The following KDM5A variants were observed in gnomAD, a reference collection of about 807,000 sequenced individuals.
KDM5A encodes lysine-specific demethylase 5A.
Under a neutral mutation model 193.5 loss-of-function variants are expected in KDM5A, and 42 were observed. That is an observed-to-expected ratio of 0.22 (90% CI 0.17 to 0.28). KDM5A has a LOEUF of 0.28. KDM5A is among the 10% of genes least tolerant of loss of function. The pLI, the probability that KDM5A is intolerant of heterozygous loss-of-function variation, is 1.00. For missense variants in KDM5A, 1,692 were observed against 2,055.1 expected, an observed-to-expected ratio of 0.82 and a Z score of 3.42; for synonymous variants, 796 against 718.1, an observed-to-expected ratio of 1.11 and a Z score of -1.73.
At chr12:323,474 CT>C in intron 15 of KDM5A, 125 bp downstream of exon 15, 1 of 1,055,926 alleles carries the variant, frequency 9.5e-7, no homozygotes, top group Admixed American at 2.1e-5. Flanking sequence ...GTCTTCAAGC[CT>C]AGAAGTAGAC....
chr12:334,063 A>G (rs893441353), intron 11 of KDM5A, among the ~76,000 whole-genome samples, 178 bp downstream of exon 11: 1 of 152,224 alleles, frequency 6.6e-6, no homozygotes, highest in African/African-American at 2.4e-5. Flanking sequence ...TCTCTAGGAT[A>G]CTTCTAAATA....
intron 1 of KDM5A, 35 bp from the exon 2 acceptor site, chr12:386,009 G>A (rs2137502237): frequency 6.6e-7 from 1 of 1,524,860 alleles, no homozygotes; most frequent in Non-Finnish European, 9.1e-7. Flanking sequence ...AAACACAGTG[G>A]TATGTAAACA....
intron 3 of KDM5A, among the ~76,000 whole-genome samples, chr12:369,189 G>A (rs1944394885): frequency 6.6e-6 from 1 of 152,094 alleles, no homozygotes; most frequent in Admixed American, 6.5e-5. Context: ...TCAATCAGGG[G>A]AAAATCATAC....
rs140093677 is a variant in KDM5A at position 330,381 on chromosome 12, C to T, written c.1774-1352G>A. ...ATCACACCCTTCTTCTAAAGAGTGT[C>T]AAGGGCTTCCACACATATCCTCTAA... is the stretch of plus-strand genomic sequence containing the variant. On this transcript the variant is annotated intron_variant, in intron 13 of 27. Transcript: ENST00000399788. 4.6e-3 allele frequency among the ~76,000 whole-genome samples: 695 copies of T among 152,216 alleles called. 4 individuals are homozygous for T. The highest frequency in any genetic ancestry group is 7.0e-3 in the Non-Finnish European group (478 of 68,002).
At chr12:297,977 A>C (rs1444243085) in intron 24 of KDM5A, among the ~76,000 whole-genome samples, 1 of 152,178 alleles carries the variant, frequency 6.6e-6, no homozygotes, top group Non-Finnish European at 1.5e-5. Flanking sequence ...CTACAAAAAA[A>C]TTACTATTGC....
intron 10 of KDM5A, 53 bp downstream of exon 10, chr12:350,568 A>G (rs1015853185): frequency 2.5e-5 from 39 of 1,581,946 alleles, no homozygotes; most frequent in Non-Finnish European, 3.1e-5. Flanking sequence ...ATAGTTTTCA[A>G]TGCAAAAGCT....
chr12:340,095 C>G (rs1011975119), intron 10 of KDM5A, among the ~76,000 whole-genome samples: 2 of 151,972 alleles, frequency 1.3e-5, no homozygotes, highest in Non-Finnish European at 2.9e-5. Flanking sequence ...CCAGGATATT[C>G]TGGACCTCCT....
chr12:361,050 G>T (rs1944288039), intron 5 of KDM5A, among the ~76,000 whole-genome samples: 1 of 152,132 alleles, frequency 6.6e-6, no homozygotes, highest in Non-Finnish European at 1.5e-5. Context: ...AACTAGGAAT[G>T]AACGACAGAC....
chr12:314,035 G>A (rs981585723), intron 19 of KDM5A, among the ~76,000 whole-genome samples: 11 of 152,066 alleles, frequency 7.2e-5, no homozygotes, highest in Non-Finnish European at 1.6e-4. Context: ...AATCTGGCAG[G>A]AAGAAAGATG....
At position 285,194 on chromosome 12, in the gene KDM5A, G is replaced by C; in HGVS notation, c.*262C>G. 1.8e-6 allele frequency: 1 copy of C among 545,472 alleles called. No individual in the cohort carries two copies. Among genetic ancestry groups the C allele is most frequent in the East Asian group, 3.1e-5 (1 of 32,516 alleles). The allele number at this position is 545,472 out of a possible 1,614,324, so 33.8% of individuals were successfully genotyped here. ...ACCCTAGAGCTCAATTAAGCATCTG[G>C]CCTTAATGCAGTAAACCACACTCAA... On this transcript the variant is annotated 3_prime_UTR_variant, in exon 28 of 28. Coordinates refer to ENST00000399788, the MANE Select transcript of KDM5A (RefSeq NM_001042603.3).
intron 4 of KDM5A, among the ~76,000 whole-genome samples, chr12:364,767 G>A (rs1287714911): frequency 6.5e-5 from 9 of 137,902 alleles, no homozygotes; most frequent in South Asian, 4.7e-4. Context: ...CCTGGGCGAC[G>A]GAGTCTCATC....
intron 26 of KDM5A, among the ~76,000 whole-genome samples, chr12:293,883 C>G (rs991272590): frequency 5.4e-5 from 8 of 147,136 alleles, no homozygotes; most frequent in Admixed American, 1.4e-4. Context: ...TAGAAGATCA[C>G]AAGTCCGAAA....
At chr12:347,039 CCTT>C (rs1311820956) in intron 10 of KDM5A, among the ~76,000 whole-genome samples, 1 of 152,172 alleles carries the variant, frequency 6.6e-6, no homozygotes, top group African/African-American at 2.4e-5. Context: ...CCCAAAATCT[CCTT>C]AAGCTGATAA....
chr12:317,293 T>TC (rs1943661192), intron 19 of KDM5A, among the ~76,000 whole-genome samples: 1 of 152,116 alleles, frequency 6.6e-6, no homozygotes, highest in African/African-American at 2.4e-5. Context: ...TTCTCTTACC[T>TC]CCCTTCCACT....
At chr12:379,694 G>A (rs1005817756) in intron 3 of KDM5A, among the ~76,000 whole-genome samples, 1 of 152,124 alleles carries the variant, frequency 6.6e-6, no homozygotes, top group African/African-American at 2.4e-5. Context: ...GGAAAGAGAT[G>A]TCCATGAGGA....
intron 3 of KDM5A, among the ~76,000 whole-genome samples, chr12:379,897 T>C (rs1944554241): frequency 6.6e-6 from 1 of 152,212 alleles, no homozygotes; most frequent in African/African-American, 2.4e-5. Context: ...ATAAGGAGAA[T>C]TGTGAACAAC....
chr12:346,344 G>A (rs1179529624), intron 10 of KDM5A, among the ~76,000 whole-genome samples: 1 of 152,170 alleles, frequency 6.6e-6, no homozygotes, highest in Admixed American at 6.6e-5. Context: ...ACAAAGAGGA[G>A]CTGGTACCAT....
intron 9 of KDM5A, among the ~76,000 whole-genome samples, chr12:351,587 A>C (rs1339870774): frequency 6.6e-6 from 1 of 152,198 alleles, no homozygotes; most frequent in Non-Finnish European, 1.5e-5. Flanking sequence ...CCCACAGTAA[A>C]AATAACTAAA....
chr12:292,805 T>A lies in KDM5A; in HGVS notation c.4820A>T (p.Asn1607Ile). Residue 1607 changes from asparagine to isoleucine, a missense_variant, in exon 27 of 28, where the codon AAT becomes ATT. By Grantham distance (149) the Asn-to-Ile change is moderately radical. Coordinates refer to ENST00000399788, the MANE Select transcript of KDM5A (RefSeq NM_001042603.3). ...WSGAEESDDE[N>I]AVCAAQNCQR... ...GCAGTTCTGTGCTGCGCACACAGCA[T>A]TCTCATCATCAGACTCCTCTGCTCC... 1 of 1,614,224 alleles carries A rather than the reference T, an allele frequency of 6.2e-7. No homozygotes were observed. The highest frequency in any genetic ancestry group is 8.5e-7 in the Non-Finnish European group (1 of 1,180,016).
Sources: gnomAD v4.1 joint callset for allele counts (sites outside exome capture counted in the v4.1 genomes callset) on GRCh38, gnomAD v4.1.1 for gene constraint, MANE v1.5 for transcripts, NCBI Gene and HGNC (gene_info 2026-07-23, HGNC 2026-07-21) for gene names.